Variants in ADAMTSL1 observed in about 807,000 individuals in gnomAD.
The protein encoded by ADAMTSL1 is ADAMTS-like protein 1.
A neutral mutation model predicts 201.8 loss-of-function variants in ADAMTSL1; 126 were observed. That is an observed-to-expected ratio of 0.62 (90% CI 0.54 to 0.72). The LOEUF (loss-of-function observed/expected upper bound fraction) is 0.72. Ranked by LOEUF, ADAMTSL1 falls within the 30% of genes least tolerant of loss-of-function variation. The probability of loss-of-function intolerance (pLI) is 0.00; values close to 1 mark genes in which losing one functional copy is unlikely to be tolerated. For synonymous variants in ADAMTSL1, 1,121 were observed against 903.4 expected (o/e 1.24, Z -4.32); for missense variants, 2,679 against 2,277.8 (o/e 1.18, Z -3.59).
At chr9:18,749,217 A>G (rs1290352372) in intron 15 of ADAMTSL1, among the ~76,000 whole-genome samples, 1 of 152,164 alleles carries the variant, frequency 6.6e-6, no homozygotes, top group Non-Finnish European at 1.5e-5. Context: ...ACAGGTCAAC[A>G]CATAACAAGT....
chr9:17,918,899 G>T (rs538258355), intron 1 of ADAMTSL1, among the ~76,000 whole-genome samples: 16 of 151,934 alleles, frequency 1.1e-4, no homozygotes, highest in African/African-American at 3.6e-4. Flanking sequence ...ACCTTGGTGA[G>T]TTGACCCTTT....
intron 2 of ADAMTSL1, among the ~76,000 whole-genome samples, chr9:18,272,400 C>G (rs1832409718): frequency 6.6e-6 from 1 of 152,176 alleles, no homozygotes; most frequent in Non-Finnish European, 1.5e-5. Context: ...ACCTGGCTAG[C>G]TATACGTAGA....
At chr9:18,456,143 C>G (rs900960839) in intron 2 of ADAMTSL1, among the ~76,000 whole-genome samples, 2 of 152,118 alleles carry the variant, frequency 1.3e-5, no homozygotes, top group East Asian at 3.9e-4. Context: ...TCTCAGAGAC[C>G]CCATTATTCA....
intron 2 of ADAMTSL1, among the ~76,000 whole-genome samples, chr9:18,421,329 T>C (rs1818937517): frequency 6.6e-6 from 1 of 152,168 alleles, no homozygotes; most frequent in African/African-American, 2.4e-5. Context: ...CTATTTTATT[T>C]CACACTTCAT....
intron 2 of ADAMTSL1, among the ~76,000 whole-genome samples, chr9:18,312,127 T>G (rs754518177): frequency 4.6e-5 from 7 of 152,074 alleles, no homozygotes. Context: ...AAGATGAAAT[T>G]AGGGGTACAG....
At chr9:18,224,926 T>C (rs1200769639) in intron 2 of ADAMTSL1, among the ~76,000 whole-genome samples, 2 of 152,162 alleles carry the variant, frequency 1.3e-5, no homozygotes, top group Non-Finnish European at 2.9e-5. Context: ...GTTAATTTTT[T>C]CCCATTTTTT....
intron 2 of ADAMTSL1, among the ~76,000 whole-genome samples, chr9:18,313,315 A>T (rs995574998): frequency 2.0e-5 from 3 of 152,108 alleles, no homozygotes; most frequent in Non-Finnish European, 4.4e-5. Flanking sequence ...AGGTACCGAT[A>T]TTTTTTTAAG....
intron 25 of ADAMTSL1, chr9:18,890,639 C>T (rs1206660098): frequency 9.0e-5 from 41 of 455,724 alleles, no homozygotes; most frequent in South Asian, 3.6e-4. Context: ...GACTTGCTGA[C>T]GGGAAGGTTT....
chr9:18,055,051 A>T (rs1269890465), intron 1 of ADAMTSL1, among the ~76,000 whole-genome samples: 1 of 152,216 alleles, frequency 6.6e-6, no homozygotes, highest in Non-Finnish European at 1.5e-5. Flanking sequence ...CCCTGCCTGC[A>T]GCTCTGCCAC....
At position 18,234,056 on chromosome 9, in the gene ADAMTSL1, GAGA is replaced by G. The variant is rs1020741668; in HGVS notation, c.207+70078_207+70080del. Among the ~76,000 whole-genome samples, 22 of 152,228 alleles carry G rather than the reference GAGA, an allele frequency of 1.4e-4. 1 individual carries two copies. The highest frequency in any genetic ancestry group is 1.4e-3 in the Admixed American group (21 of 15,276). ...GAAGGTTGGTGGCCAGGCAGATGGA[GAGA>G]AGTGCACACATTGGAGAACTATTTC... On this transcript the variant is annotated intron_variant, in intron 2 of 29. Coordinates refer to the ADAMTSL1 transcript ENST00000680146.
At chr9:18,396,130 C>T (rs968175332) in intron 2 of ADAMTSL1, among the ~76,000 whole-genome samples, 4 of 152,174 alleles carry the variant, frequency 2.6e-5, no homozygotes, top group Admixed American at 1.3e-4. Flanking sequence ...TTTATCCAAC[C>T]TTAGAGCACT....
chr9:18,518,396 A>G (rs1587437346), intron 2 of ADAMTSL1, among the ~76,000 whole-genome samples: 1 of 151,930 alleles, frequency 6.6e-6, no homozygotes, highest in African/African-American at 2.4e-5. Flanking sequence ...GTGAAAACCT[A>G]TGGTATTTGA....
intron 14 of ADAMTSL1, among the ~76,000 whole-genome samples, chr9:18,714,552 G>A (rs1477159989): frequency 7.2e-6 from 1 of 139,470 alleles, no homozygotes; most frequent in East Asian, 2.0e-4. Context: ...CCAGGAAGAA[G>A]TTGAATCTCT....
chr9:18,335,822 A>C (rs1835213467), intron 2 of ADAMTSL1, among the ~76,000 whole-genome samples: 1 of 152,176 alleles, frequency 6.6e-6, no homozygotes. Context: ...ACTTTCATAG[A>C]ATAACAAGAT....
intron 1 of ADAMTSL1, among the ~76,000 whole-genome samples, chr9:18,046,613 G>A (rs1212848795): frequency 6.6e-6 from 1 of 151,998 alleles, no homozygotes; most frequent in Non-Finnish European, 1.5e-5. Context: ...CTCTGCCACA[G>A]GAAATAAAAT....
At chr9:18,288,697 G>T (rs979702208) in intron 2 of ADAMTSL1, among the ~76,000 whole-genome samples, 1 of 152,206 alleles carries the variant, frequency 6.6e-6, no homozygotes, top group Admixed American at 6.5e-5. Flanking sequence ...AAAAGAGGCA[G>T]CAGAGGCTAA....
intron 25 of ADAMTSL1, among the ~76,000 whole-genome samples, chr9:18,891,684 C>G (rs1829283894): frequency 6.6e-6 from 1 of 152,202 alleles, no homozygotes; most frequent in South Asian, 2.1e-4. Context: ...GGAACTTTAC[C>G]TGTTTCTGAG....
At chr9:18,412,561 AC>A (rs1184782729) in intron 2 of ADAMTSL1, among the ~76,000 whole-genome samples, 1 of 152,114 alleles carries the variant, frequency 6.6e-6, no homozygotes, top group African/African-American at 2.4e-5. Context: ...TTATTTGTCA[AC>A]TTTCAGACTA....
intron 4 of ADAMTSL1, among the ~76,000 whole-genome samples, chr9:18,593,335 A>G (rs1824047194): frequency 6.6e-6 from 1 of 151,832 alleles, no homozygotes; most frequent in South Asian, 2.1e-4. Context: ...ATTCAATTTT[A>G]TTTGTCTTCT....
Sources: allele counts gnomAD v4.1 joint callset (sites outside exome capture counted in the v4.1 genomes callset), GRCh38; gene constraint gnomAD v4.1.1; transcripts MANE v1.5; gene names NCBI Gene and HGNC (gene_info 2026-07-23, HGNC 2026-07-21).